The following GPHN variants were observed in gnomAD, a reference collection of about 807,000 sequenced individuals.
The protein encoded by GPHN is gephyrin.
A neutral mutation model predicts 95.5 loss-of-function variants in GPHN; 17 were observed. That is an observed-to-expected ratio of 0.18 (90% CI 0.12 to 0.27). The LOEUF is 0.27. GPHN is among the 10% of genes least tolerant of loss of function. The probability of loss-of-function intolerance (pLI) is 1.00; values close to 1 mark genes in which losing one functional copy is unlikely to be tolerated. For missense variants in GPHN, 660 were observed against 978.1 expected (o/e 0.67, Z 4.34); for synonymous variants, 320 against 322.5 (o/e 0.99, Z 0.08).
At chr14:67,165,453 A>C (rs2082221649) in intron 20 of GPHN, among the ~76,000 whole-genome samples, 2 of 78,490 alleles carry the variant, frequency 2.5e-5, no homozygotes, top group Non-Finnish European at 3.8e-5. Context: ...AATATATATC[A>C]AAGCACATTC....
At chr14:66,628,006 T>C (rs1304465948) in intron 1 of GPHN, among the ~76,000 whole-genome samples, 1 of 152,092 alleles carries the variant, frequency 6.6e-6, no homozygotes, top group Middle Eastern at 3.2e-3. Context: ...TTTATTGTCT[T>C]TTTGTGCCCT....
At chr14:67,116,296 AAAG>A (rs1479097454) in intron 16 of GPHN, among the ~76,000 whole-genome samples, 191 of 150,748 alleles carry the variant, frequency 1.3e-3, no homozygotes, top group African/African-American at 4.5e-3. Context: ...AAGAAAAGAA[AAAG>A]AAAGAAAGAA....
chr14:67,712,198 G>C, the GPHN span, among the ~76,000 whole-genome samples: 1 of 152,090 alleles, frequency 6.6e-6, no homozygotes, highest in Non-Finnish European at 1.5e-5. Context: ...GGGATTACAG[G>C]CGTGAACCAC....
At chr14:66,678,125 G>A (rs920901877) in intron 1 of GPHN, among the ~76,000 whole-genome samples, 4 of 152,086 alleles carry the variant, frequency 2.6e-5, no homozygotes, top group African/African-American at 9.7e-5. Flanking sequence ...AGATCTTGAT[G>A]TCTGTCTCTC....
chr14:67,545,239 A>C, the GPHN span, among the ~76,000 whole-genome samples: 1 of 151,930 alleles, frequency 6.6e-6, no homozygotes, highest in Non-Finnish European at 1.5e-5. Flanking sequence ...CTGATATGCC[A>C]CTGGCCAGAT....
chr14:66,905,032 C>G (rs1435632016), intron 5 of GPHN, among the ~76,000 whole-genome samples: 1 of 152,092 alleles, frequency 6.6e-6, no homozygotes, highest in Admixed American at 6.6e-5. Flanking sequence ...TTCCTCAACT[C>G]CCTCTTGAAC....
At chr14:67,144,248 A>ATATATATGT (rs1205670543) in intron 18 of GPHN, among the ~76,000 whole-genome samples, 2 of 62,616 alleles carry the variant, frequency 3.2e-5, no homozygotes, top group African/African-American at 1.6e-4. Flanking sequence ...AAAAAAAAAA[A>ATATATATGT]AAATATATAT....
intron 4 of GPHN, among the ~76,000 whole-genome samples, chr14:66,844,814 C>T (rs1207922123): frequency 6.6e-6 from 1 of 152,060 alleles, no homozygotes; most frequent in Non-Finnish European, 1.5e-5. Flanking sequence ...GCAACCGTCA[C>T]CACTGTTTCT....
At chr14:67,272,743 C>T in the GPHN span, among the ~76,000 whole-genome samples, 1 of 152,342 alleles carries the variant, frequency 6.6e-6, no homozygotes, top group East Asian at 1.9e-4. Context: ...ACTACAACCT[C>T]TGCCTCCTGG....
the GPHN span, among the ~76,000 whole-genome samples, chr14:67,638,152 A>G: frequency 6.6e-6 from 1 of 152,224 alleles, no homozygotes; most frequent in Admixed American, 6.5e-5. Flanking sequence ...TGTTTGAGCC[A>G]TATTTTGGGC....
the GPHN span, among the ~76,000 whole-genome samples, chr14:67,248,523 C>T: frequency 6.6e-6 from 1 of 152,058 alleles, no homozygotes; most frequent in Non-Finnish European, 1.5e-5. Flanking sequence ...ATTTGGCTTT[C>T]TGTCTCATAT....
intron 1 of GPHN, among the ~76,000 whole-genome samples, chr14:66,633,529 C>CT (rs1566736785): frequency 6.6e-6 from 1 of 151,978 alleles, no homozygotes; most frequent in African/African-American, 2.4e-5. Context: ...GTACTGCATT[C>CT]TTTTTTATTG....
At chr14:67,688,058 C>A in the GPHN span, among the ~76,000 whole-genome samples, 1 of 152,054 alleles carries the variant, frequency 6.6e-6, no homozygotes, top group Non-Finnish European at 1.5e-5. Flanking sequence ...CAGGTGTGAG[C>A]CACCGCGCCC....
intron 1 of GPHN, among the ~76,000 whole-genome samples, chr14:66,540,840 C>T (rs2059328278): frequency 6.6e-6 from 1 of 151,794 alleles, no homozygotes; most frequent in Middle Eastern, 3.2e-3. Context: ...GTGGTGTGAT[C>T]TCGGCTCACT....
chr14:67,237,247 G>A, the GPHN span, among the ~76,000 whole-genome samples: 1 of 151,792 alleles, frequency 6.6e-6, no homozygotes, highest in South Asian at 2.1e-4. Flanking sequence ...TATGTGATTA[G>A]GCTACTAATT....
intron 9 of GPHN, among the ~76,000 whole-genome samples, chr14:66,989,244 T>TA (rs1229067796): frequency 5.3e-5 from 8 of 151,608 alleles, no homozygotes; most frequent in East Asian, 1.9e-4. Context: ...TCATTTTTTT[T>TA]AAAAAAAAGA....
chr14:66,520,649 T>C (rs760109215), intron 1 of GPHN, among the ~76,000 whole-genome samples: 6 of 152,118 alleles, frequency 3.9e-5, no homozygotes, highest in Non-Finnish European at 7.4e-5. Context: ...GAAGTTATAG[T>C]AATAGTTTCA....
the GPHN span, among the ~76,000 whole-genome samples, chr14:67,218,577 G>C: frequency 1.3e-5 from 2 of 152,158 alleles, no homozygotes; most frequent in African/African-American, 4.8e-5. Context: ...TGCCTGTTTG[G>C]CTGGCCTGGG....
the GPHN span, among the ~76,000 whole-genome samples, chr14:67,549,250 T>A: frequency 6.6e-6 from 1 of 151,782 alleles, no homozygotes; most frequent in Non-Finnish European, 1.5e-5. Flanking sequence ...TGTGCGTGTG[T>A]GTGTGTGTAA....
Sources: allele counts gnomAD v4.1 joint callset (sites outside exome capture counted in the v4.1 genomes callset), GRCh38; gene constraint gnomAD v4.1.1; transcripts MANE v1.5; gene names NCBI Gene and HGNC (gene_info 2026-07-23, HGNC 2026-07-21).